The following HDAC9 variants were observed in gnomAD, a reference collection of about 807,000 sequenced individuals.
HDAC9 encodes histone deacetylase 9, also known as MEF-2 interacting transcription repressor (MITR) protein.
A neutral mutation model predicts 139.4 loss-of-function variants in HDAC9; 41 were observed. That is an observed-to-expected ratio of 0.29 (90% CI 0.23 to 0.38). The LOEUF (loss-of-function observed/expected upper bound fraction) is 0.38, where lower values mean the gene tolerates loss of function less well. Among genes scored for constraint, HDAC9 ranks in the 10% least tolerant of loss-of-function variants. The pLI is 1.00. For missense variants in HDAC9, 1,147 were observed against 1,297.0 expected (o/e 0.88, Z 1.78); for synonymous variants, 517 against 476.2 (o/e 1.09, Z -1.12).
chr7:18,181,233 A>G (rs1789405589), intron 2 of HDAC9, among the ~76,000 whole-genome samples: 1 of 152,162 alleles, frequency 6.6e-6, no homozygotes, highest in Non-Finnish European at 1.5e-5. Context: ...TTGGCTTGTA[A>G]TTGCTATTCA....
chr7:18,868,287 C>T (rs983825109), intron 21 of HDAC9, among the ~76,000 whole-genome samples: 2 of 152,158 alleles, frequency 1.3e-5, no homozygotes, highest in Non-Finnish European at 2.9e-5. Context: ...AAGATAGCAG[C>T]TCTTGGTCTC....
At chr7:18,956,737 C>T (rs1432367709) in intron 24 of HDAC9, among the ~76,000 whole-genome samples, 1 of 152,100 alleles carries the variant, frequency 6.6e-6, no homozygotes, top group Admixed American at 6.6e-5. Flanking sequence ...GCTCCAACTC[C>T]AGGGGAGCTG....
intron 1 of HDAC9, among the ~76,000 whole-genome samples, chr7:18,459,660 A>T (rs1197615800): frequency 1.3e-5 from 2 of 152,134 alleles, no homozygotes; most frequent in Non-Finnish European, 2.9e-5. Flanking sequence ...TTACAAATTA[A>T]CATTTGCAAG....
At position 18,262,063 on chromosome 7, in the gene HDAC9, T is replaced by G. The variant is rs117502091; in HGVS notation, c.25+99714T>G. Among the ~76,000 whole-genome samples the G allele has an allele frequency of 1.2e-4, 19 of 152,332 alleles. No homozygotes were observed. In the East Asian group the frequency reaches 3.7e-3, roughly 29 times the overall value. On this transcript the variant is annotated intron_variant, in intron 2 of 12. Coordinates refer to the HDAC9 transcript ENST00000417496. ...TATTGTAAAAATCAACAAGGACCAT[T>G]TGAACACTGATAATACTAAAAACTG...
intron 2 of HDAC9, among the ~76,000 whole-genome samples, chr7:18,535,050 C>T (rs1000739042): frequency 6.6e-6 from 1 of 152,168 alleles, no homozygotes; most frequent in Admixed American, 6.5e-5. Context: ...GCTTGTTGCT[C>T]ACTCACTGCA....
intron 6 of HDAC9, among the ~76,000 whole-genome samples, chr7:18,611,838 T>TA (rs1210701169): frequency 5.3e-5 from 8 of 152,168 alleles, no homozygotes; most frequent in Admixed American, 3.9e-4. Flanking sequence ...ATATTCTTTG[T>TA]AAAAGCAATG....
At chr7:18,615,167 T>G (rs1403241048) in intron 6 of HDAC9, among the ~76,000 whole-genome samples, 1 of 152,192 alleles carries the variant, frequency 6.6e-6, no homozygotes, top group Non-Finnish European at 1.5e-5. Flanking sequence ...TGTAAGAGAC[T>G]GGAATTGTAT....
At chr7:18,329,880 G>A (rs934249499) in intron 1 of HDAC9, among the ~76,000 whole-genome samples, 3 of 151,612 alleles carry the variant, frequency 2.0e-5, no homozygotes, top group East Asian at 1.9e-4. Flanking sequence ...CTACCGTTTA[G>A]CTAGCCACAA....
intron 22 of HDAC9, among the ~76,000 whole-genome samples, chr7:18,916,084 CTGCATT>C (rs1221726504): frequency 1.3e-5 from 2 of 151,184 alleles, no homozygotes; most frequent in African/African-American, 4.9e-5. Flanking sequence ...ACCCAAACAC[CTGCATT>C]TGGCTGTTCT....
chr7:18,692,371 C>T (rs997430275), intron 12 of HDAC9, among the ~76,000 whole-genome samples: 1 of 151,852 alleles, frequency 6.6e-6, no homozygotes, highest in Non-Finnish European at 1.5e-5. Context: ...CATTATTGAT[C>T]GCAACATTAA....
intron 24 of HDAC9, among the ~76,000 whole-genome samples, chr7:18,972,905 G>A (rs753279337): frequency 2.6e-5 from 4 of 152,202 alleles, no homozygotes; most frequent in Non-Finnish European, 5.9e-5. Flanking sequence ...CAAGGGTAAT[G>A]TATCATTTCC....
At chr7:18,323,032 A>G (rs1047269264) in intron 1 of HDAC9, among the ~76,000 whole-genome samples, 3 of 152,098 alleles carry the variant, frequency 2.0e-5, no homozygotes, top group South Asian at 2.1e-4. Flanking sequence ...AATAATGTCA[A>G]CCTCAAGGAT....
At chr7:18,096,033 C>G (rs2128064376) in intron 1 of HDAC9, among the ~76,000 whole-genome samples, 1 of 152,252 alleles carries the variant, frequency 6.6e-6, no homozygotes, top group South Asian at 2.1e-4. Context: ...CCTCAAATGT[C>G]AGGTTTAATG....
chr7:18,408,255 G>A (rs1201104949), intron 1 of HDAC9, among the ~76,000 whole-genome samples: 1 of 152,100 alleles, frequency 6.6e-6, no homozygotes, highest in Non-Finnish European at 1.5e-5. Context: ...AGTATGTGTT[G>A]TCTTTTAAAA....
At chr7:18,384,310 G>GA (rs932810080) in intron 1 of HDAC9, among the ~76,000 whole-genome samples, 22 of 145,170 alleles carry the variant, frequency 1.5e-4, no homozygotes, top group African/African-American at 2.5e-4. Flanking sequence ...CCTATCTCAA[G>GA]AAAAAAAAAA....
At chr7:18,748,448 A>T (rs1233622532) in intron 13 of HDAC9, among the ~76,000 whole-genome samples, 1 of 152,214 alleles carries the variant, frequency 6.6e-6, no homozygotes, top group East Asian at 1.9e-4. Flanking sequence ...TATGGGGAGA[A>T]ACACAAATAA....
intron 12 of HDAC9, among the ~76,000 whole-genome samples, chr7:18,697,429 A>G (rs1783134490): frequency 6.6e-6 from 1 of 152,174 alleles, no homozygotes. Context: ...CACTATTCAC[A>G]TTATTACATG....
intron 12 of HDAC9, among the ~76,000 whole-genome samples, chr7:18,712,104 C>A (rs187669828): frequency 1.3e-5 from 2 of 152,228 alleles, no homozygotes; most frequent in Admixed American, 6.5e-5. Flanking sequence ...TGCCCATAGC[C>A]AGTCTTTGAA....
At chr7:18,281,030 T>C (rs966963350) in intron 2 of HDAC9, among the ~76,000 whole-genome samples, 2 of 152,200 alleles carry the variant, frequency 1.3e-5, no homozygotes, top group African/African-American at 4.8e-5. Flanking sequence ...CTCTGTTTTA[T>C]TTTGCTCTTC....
Sources: gnomAD v4.1 joint callset for allele counts (sites outside exome capture counted in the v4.1 genomes callset) on GRCh38, gnomAD v4.1.1 for gene constraint, MANE v1.5 for transcripts, NCBI Gene and HGNC (gene_info 2026-07-23, HGNC 2026-07-21) for gene names.